Variants in CYSTM1 observed in about 807,000 individuals in gnomAD.
The protein encoded by CYSTM1 is cysteine rich transmembrane module containing 1.
Under a neutral mutation model 13.1 loss-of-function variants are expected in CYSTM1, and 4 were observed. The observed-to-expected ratio is 0.31, with a 90% CI of 0.15 to 0.70. The LOEUF is 0.70. CYSTM1 is among the 30% of genes least tolerant of loss of function. CYSTM1 has a pLI of 0.72. For missense variants in CYSTM1, 96 were observed against 121.6 expected (o/e 0.79, Z 0.99); for synonymous variants, 36 against 42.7 (o/e 0.84, Z 0.62).
At chr5:140,241,848 G>A (rs1561486199) in intron 2 of CYSTM1, among the ~76,000 whole-genome samples, 1 of 152,202 alleles carries the variant, frequency 6.6e-6, no homozygotes. Context: ...AGTCACCTCT[G>A]TTCTCTTTCT....
intron 2 of CYSTM1, among the ~76,000 whole-genome samples, chr5:140,240,172 AC>A (rs56979453): frequency 6.6e-6 from 1 of 150,508 alleles, no homozygotes; most frequent in Non-Finnish European, 1.5e-5. Flanking sequence ...CCATCCCAGC[AC>A]CCCCCCACTG....
At chr5:140,178,942 T>C (rs1159256051) in intron 1 of CYSTM1, among the ~76,000 whole-genome samples, 1 of 151,868 alleles carries the variant, frequency 6.6e-6, no homozygotes, top group African/African-American at 2.4e-5. Flanking sequence ...TGTTTTTTCC[T>C]GGGGTTTTAT....
At chr5:140,176,302 C>T (rs748372341) in intron 1 of CYSTM1, among the ~76,000 whole-genome samples, 16 of 152,162 alleles carry the variant, frequency 1.1e-4, no homozygotes, top group Non-Finnish European at 2.2e-4. Context: ...ATACTTGTAA[C>T]CGACAAGGGT....
chr5:140,227,497 C>G (rs1277830431), intron 2 of CYSTM1, among the ~76,000 whole-genome samples: 1 of 152,060 alleles, frequency 6.6e-6, no homozygotes, highest in Admixed American at 6.6e-5. Flanking sequence ...TGAGAGGAGA[C>G]AGAATTGGAT....
At chr5:140,194,824 C>G (rs568147736) in intron 2 of CYSTM1, among the ~76,000 whole-genome samples, 172 bp downstream of exon 2, 1 of 152,246 alleles carries the variant, frequency 6.6e-6, no homozygotes, top group Non-Finnish European at 1.5e-5. Flanking sequence ...AGGCCCAAGT[C>G]AGCTCTGCCT....
rs572590493 is a variant in CYSTM1, at chr5:140,213,630, A to T, written c.187+18978A>T. Among the ~76,000 whole-genome samples, 26 of 152,304 alleles carry T rather than the reference A, an allele frequency of 1.7e-4. No individual in the cohort carries two copies. The South Asian group carries it at 5.0e-3, about 29-fold the overall frequency. On this transcript the variant is annotated intron_variant, in intron 2 of 2. Transcript: ENST00000261811. ...TTCATGGTAAGTGCTCTATATATGT[A>T]TACCAGTTTTTATCTTTTATACCAC...
At chr5:140,184,234 G>A (rs1763991310) in intron 1 of CYSTM1, among the ~76,000 whole-genome samples, 1 of 152,032 alleles carries the variant, frequency 6.6e-6, no homozygotes, top group Admixed American at 6.5e-5. Context: ...CCACCATGTT[G>A]GTGCTTTTTC....
chr5:140,214,649 A>T (rs11951583), intron 2 of CYSTM1, among the ~76,000 whole-genome samples: 242 of 152,322 alleles, frequency 1.6e-3, no homozygotes, highest in African/African-American at 5.5e-3. Context: ...TGACACACAT[A>T]TGCCTATTAT....
Position 140,200,005 on chromosome 5 carries a change from A to T in CYSTM1, c.187+5353A>T, listed in dbSNP as rs537095866. On this transcript the variant is annotated intron_variant, in intron 2 of 2. Coordinates refer to ENST00000261811, the MANE Select transcript of CYSTM1 (RefSeq NM_032412.4). ...ATAAATTTGTTTAAGTTCCTTGTAG[A>T]TTGTGGATATTGGCCCTTTGTCAGA... 1.6e-4 allele frequency among the ~76,000 whole-genome samples: 24 copies of T among 152,112 alleles called. 1 individual carries two copies. In the South Asian group the frequency reaches 4.6e-3, roughly 29 times the overall value.
In CYSTM1 at chr5:140,194,503, G is replaced by A. The variant is rs1764128586; in HGVS notation, c.38G>A (p.Gly13Asp). 7.5e-6 allele frequency: 12 copies of A among 1,609,528 alleles called. No individual in the cohort carries two copies. Among genetic ancestry groups the A allele is most frequent in the Non-Finnish European group, 9.3e-6 (11 of 1,178,772 alleles). Residue 13 changes from glycine (G) to aspartate (D), a missense_variant, in exon 2 of 3, where the codon GGT becomes GAT. Physicochemically the swap from Gly to Asp is moderately conservative, Grantham distance 94. Transcript: ENST00000261811. Reference sequence around the variant, plus strand: ...AACCCTCCACCATATCCAGGCCCTGGTCCAACGGCCCCATACCCACCTTAT... The same window carrying A: ...AACCCTCCACCATATCCAGGCCCTGATCCAACGGCCCCATACCCACCTTAT... Reference protein sequence around the residue: ...QENPPPYPGPGPTAPYPPYPP... With the variant: ...QENPPPYPGPDPTAPYPPYPP...
At chr5:140,221,287 T>C (rs117024225) in intron 2 of CYSTM1, among the ~76,000 whole-genome samples, 1 of 152,366 alleles carries the variant, frequency 6.6e-6, no homozygotes, top group East Asian at 1.9e-4. Context: ...ATTCACATTG[T>C]TGTGAAACCG....
intron 2 of CYSTM1, among the ~76,000 whole-genome samples, chr5:140,203,653 T>G (rs1298164093): frequency 2.6e-5 from 4 of 152,230 alleles, no homozygotes; most frequent in Non-Finnish European, 5.9e-5. Flanking sequence ...TTAAACACTA[T>G]AACTAGGCTT....
intron 2 of CYSTM1, among the ~76,000 whole-genome samples, chr5:140,237,129 C>T (rs1047210354): frequency 7.2e-5 from 11 of 152,278 alleles, no homozygotes; most frequent in South Asian, 4.1e-4. Flanking sequence ...GGCATTCACT[C>T]GGATGTTGTG....
At chr5:140,231,245 A>T (rs1204822576) in intron 2 of CYSTM1, among the ~76,000 whole-genome samples, 1 of 152,220 alleles carries the variant, frequency 6.6e-6, no homozygotes, top group African/African-American at 2.4e-5. Context: ...TTACTTTTTT[A>T]AAATGTTACA....
intron 1 of CYSTM1, among the ~76,000 whole-genome samples, chr5:140,182,560 C>G (rs1445425808): frequency 6.6e-6 from 1 of 151,634 alleles, no homozygotes; most frequent in East Asian, 1.9e-4. Flanking sequence ...TCTTTCTGTG[C>G]CAGCGTGCTC....
In CYSTM1 at chr5:140,212,630, G is replaced by A. The variant is rs955855724; in HGVS notation, c.187+17978G>A. Among the ~76,000 whole-genome samples the A allele has an allele frequency of 2.6e-5, 4 of 151,874 alleles. No individual in the cohort carries two copies. In the South Asian group the frequency reaches 8.3e-4, roughly 32 times the overall value. On this transcript the variant is annotated intron_variant, in intron 2 of 2. Transcript: ENST00000261811. Reference sequence around the variant, plus strand: ...CTAATTTTTGTGAGCCACCATGCCCGGTCAGGAGTACACTCCAAAATATCA... The same window carrying A: ...CTAATTTTTGTGAGCCACCATGCCCAGTCAGGAGTACACTCCAAAATATCA...
At chr5:140,209,306 G>T (rs1163321486) in intron 2 of CYSTM1, among the ~76,000 whole-genome samples, 5 of 140,030 alleles carry the variant, frequency 3.6e-5, no homozygotes, top group African/African-American at 1.1e-4. Context: ...TTGCTCTGTT[G>T]CCCAGGCTGG....
chr5:140,195,708 G>A (rs1205449965), intron 2 of CYSTM1, among the ~76,000 whole-genome samples: 1 of 149,562 alleles, frequency 6.7e-6, no homozygotes, highest in Non-Finnish European at 1.5e-5. Flanking sequence ...TGGGATTACA[G>A]GCGTGAGCCA....
At chr5:140,177,739 G>C (rs1027035247) in intron 1 of CYSTM1, among the ~76,000 whole-genome samples, 3 of 152,164 alleles carry the variant, frequency 2.0e-5, no homozygotes, top group Non-Finnish European at 4.4e-5. Flanking sequence ...GATTATGATA[G>C]TGATTTTTAA....
Sources: gnomAD v4.1 joint callset for allele counts (sites outside exome capture counted in the v4.1 genomes callset) on GRCh38, gnomAD v4.1.1 for gene constraint, MANE v1.5 for transcripts, NCBI Gene and HGNC (gene_info 2026-07-23, HGNC 2026-07-21) for gene names.